RBFOX3: variants seen among roughly 807,000 people sequenced by gnomAD.
RBFOX3 encodes RNA binding fox-1 homolog 3.
RBFOX3 carries 17 observed loss-of-function variants against 48.7 expected under a neutral mutation model. The observed-to-expected ratio is 0.35, with a 90% CI of 0.24 to 0.52. The LOEUF is 0.52. RBFOX3 is among the 20% of genes least tolerant of loss of function. The pLI, the probability that RBFOX3 is intolerant of heterozygous loss-of-function variation, is 0.94. For synonymous variants in RBFOX3, 212 were observed against 209.5 expected (o/e 1.01, Z -0.10); for missense variants, 382 against 497.5 (o/e 0.77, Z 2.21).
intron 4 of RBFOX3, among the ~76,000 whole-genome samples, chr17:79,227,717 G>T (rs12603684): frequency 0.26 from 39,045 of 152,126 alleles, 6,328 homozygotes; most frequent in East Asian, 0.49. Context: ...ACCAGCCTGA[G>T]GGATGCAGGC....
At position 79,095,399 on chromosome 17, in the gene RBFOX3, G is replaced by T. The variant is rs528849876; in HGVS notation, c.998+114C>A. On this transcript the variant is annotated intron_variant, in intron 13 of 14. Coordinates refer to ENST00000693108, the MANE Select transcript of RBFOX3 (RefSeq NM_001350451.2). The stretch of plus-strand genomic sequence containing the variant: ...GCTCCCCTGTCCCGACCCTACTCCC[G>T]CCAGGCCTGGAAGAGTGGGTTACGC... 8 of 926,914 alleles carry T rather than the reference G, an allele frequency of 8.6e-6. No homozygotes were observed. In the East Asian group the frequency reaches 1.9e-4, roughly 22 times the overall value. The allele number at this position is 926,914 out of a possible 1,614,324, so 57.4% of individuals were successfully genotyped here. A position where few individuals can be genotyped will look rare whatever the true frequency, so the allele number is the denominator to read the frequency against.
chr17:79,125,441 C>T (rs1038563927), intron 4 of RBFOX3, among the ~76,000 whole-genome samples: 8 of 152,248 alleles, frequency 5.3e-5, no homozygotes, highest in Non-Finnish European at 1.0e-4. Context: ...TGTCTGCCCA[C>T]GTCGCTGGCC....
chr17:79,136,718 C>T (rs1002965298), intron 4 of RBFOX3, among the ~76,000 whole-genome samples: 7 of 152,238 alleles, frequency 4.6e-5, no homozygotes, highest in Admixed American at 1.3e-4. Flanking sequence ...CCAGGGTCCC[C>T]GACCTGATGT....
the RBFOX3 span, among the ~76,000 whole-genome samples, chr17:79,647,488 T>C: frequency 2.6e-5 from 4 of 152,170 alleles, no homozygotes; most frequent in Non-Finnish European, 5.9e-5. Flanking sequence ...TTAATACCTC[T>C]GCACAAGACA....
At chr17:79,467,719 C>T (rs1405844460) in intron 2 of RBFOX3, among the ~76,000 whole-genome samples, 1 of 152,192 alleles carries the variant, frequency 6.6e-6, no homozygotes, top group East Asian at 1.9e-4. Flanking sequence ...CACCTGCCTC[C>T]TGCCAGGATC....
At chr17:79,500,529 T>C (rs1481978750) in intron 1 of RBFOX3, among the ~76,000 whole-genome samples, 3 of 152,270 alleles carry the variant, frequency 2.0e-5, no homozygotes, top group East Asian at 3.9e-4. Flanking sequence ...AGTGCTGGGA[T>C]TAGAGGCATG....
In RBFOX3 at chr17:79,577,536, C is replaced by G. The variant is rs997229776; in HGVS notation, c.-320+33290G>C. Among the ~76,000 whole-genome samples, 4 of 152,334 alleles carry G rather than the reference C, an allele frequency of 2.6e-5. No individual in the cohort carries two copies. In the East Asian group the frequency reaches 5.8e-4, roughly 22 times the overall value. On this transcript the variant is annotated intron_variant, in intron 1 of 14. Transcript: ENST00000693108. ...ACTCAAAGGCCATTTTAATGACATA[C>G]GCGGGGACAAGAAAAGCATTTGTGT...
At chr17:79,173,554 C>T (rs2049851209) in intron 4 of RBFOX3, among the ~76,000 whole-genome samples, 2 of 152,196 alleles carry the variant, frequency 1.3e-5, no homozygotes, top group African/African-American at 4.8e-5. Flanking sequence ...TTAAATGCCC[C>T]TGATGCCTTT....
intron 3 of RBFOX3, among the ~76,000 whole-genome samples, chr17:79,286,096 T>C (rs2071803204): frequency 6.6e-6 from 1 of 152,208 alleles, no homozygotes; most frequent in Admixed American, 6.5e-5. Context: ...TGTGACCTTC[T>C]AGAAGCTGAG....
At chr17:79,565,834 T>C (rs2144365955) in intron 1 of RBFOX3, among the ~76,000 whole-genome samples, 1 of 152,220 alleles carries the variant, frequency 6.6e-6, no homozygotes, top group South Asian at 2.1e-4. Flanking sequence ...CACTCTGCAT[T>C]TTGGATGCAG....
intron 4 of RBFOX3, among the ~76,000 whole-genome samples, chr17:79,170,328 G>C (rs914038819): frequency 1.3e-5 from 2 of 152,114 alleles, no homozygotes; most frequent in African/African-American, 4.8e-5. Context: ...CCTGCCAAAC[G>C]GGCCAGAGGG....
At chr17:79,232,417 G>C (rs967699370) in intron 4 of RBFOX3, among the ~76,000 whole-genome samples, 3 of 152,186 alleles carry the variant, frequency 2.0e-5, no homozygotes, top group Non-Finnish European at 4.4e-5. Context: ...GCTGTGGTAG[G>C]ACTGGCATCA....
At chr17:79,652,574 AAGGAGAGGAGAGGAGAGGAGAGGAG>A in the RBFOX3 span, among the ~76,000 whole-genome samples, 5 of 57,148 alleles carry the variant, frequency 8.7e-5, no homozygotes, top group African/African-American at 1.3e-4. Flanking sequence ...AAGGAAAGGA[AAGGAGAGGAGAGGAGAGGAGAGGAG>A]AGGAAAGGAA....
At chr17:79,232,901 C>T (rs1600140365) in intron 4 of RBFOX3, among the ~76,000 whole-genome samples, 1 of 152,332 alleles carries the variant, frequency 6.6e-6, no homozygotes, top group East Asian at 1.9e-4. Context: ...GCAATTCTCA[C>T]CCACGACTGG....
At chr17:79,248,181 T>G (rs1280578705) in intron 3 of RBFOX3, among the ~76,000 whole-genome samples, 9 of 151,912 alleles carry the variant, frequency 5.9e-5, no homozygotes, top group African/African-American at 2.2e-4. Context: ...CCAAGAAGAC[T>G]TCTGCACCTC....
intron 1 of RBFOX3, chr17:79,601,350 G>A (rs1372766729): frequency 6.6e-6 from 1 of 152,278 alleles, no homozygotes; most frequent in Admixed American, 6.5e-5. Flanking sequence ...GTGTCTCTGT[G>A]AGGGCAGGGA....
At chr17:79,208,944 T>C (rs1051128232) in intron 4 of RBFOX3, among the ~76,000 whole-genome samples, 12 of 152,040 alleles carry the variant, frequency 7.9e-5, no homozygotes, top group African/African-American at 2.4e-4. Flanking sequence ...GCCTCCCAAG[T>C]AGCTGGGACT....
At chr17:79,202,085 C>T (rs922672565) in intron 4 of RBFOX3, among the ~76,000 whole-genome samples, 2 of 152,148 alleles carry the variant, frequency 1.3e-5, no homozygotes, top group African/African-American at 2.4e-5. Context: ...AGAATGACCT[C>T]GGTCCCCTGG....
At chr17:79,272,581 C>T (rs916278572) in intron 3 of RBFOX3, among the ~76,000 whole-genome samples, 11 of 152,144 alleles carry the variant, frequency 7.2e-5, no homozygotes, top group South Asian at 2.1e-4. Context: ...GTGGCCCCTT[C>T]GTTTCCTGAG....
Sources: gnomAD v4.1 joint callset for allele counts (sites outside exome capture counted in the v4.1 genomes callset) on GRCh38, gnomAD v4.1.1 for gene constraint, MANE v1.5 for transcripts, NCBI Gene and HGNC (gene_info 2026-07-23, HGNC 2026-07-21) for gene names.